Variants in PIKFYVE observed in about 807,000 individuals in gnomAD.
PIKFYVE encodes 1-phosphatidylinositol 3-phosphate 5-kinase.
PIKFYVE carries 122 observed loss-of-function variants against 257.9 expected under a neutral mutation model. That is an observed-to-expected ratio of 0.47 (90% confidence interval 0.41 to 0.55). PIKFYVE has a LOEUF of 0.55. Ranked by LOEUF, PIKFYVE falls within the 20% of genes least tolerant of loss-of-function variation. The pLI is 0.00. For synonymous variants in PIKFYVE, 892 were observed against 868.9 expected, an observed-to-expected ratio of 1.03 and a Z score of -0.47; for missense variants, 2,160 against 2,536.6, an observed-to-expected ratio of 0.85 and a Z score of 3.19.
chr2:208,308,623 T>C (rs1694618399), intron 12 of PIKFYVE, among the ~76,000 whole-genome samples: 1 of 151,998 alleles, frequency 6.6e-6, no homozygotes, highest in African/African-American at 2.4e-5. Context: ...ACCACCATTC[T>C]ACTTAGTATG....
intron 7 of PIKFYVE, among the ~76,000 whole-genome samples, chr2:208,296,958 G>T (rs1439885732): frequency 6.6e-6 from 1 of 152,148 alleles, no homozygotes; most frequent in South Asian, 2.1e-4. Context: ...AAATGCAGCC[G>T]AGGGATGTGG....
In PIKFYVE at chr2:208,352,766, G is replaced by A. The variant is rs771244880; in HGVS notation, c.5828G>A (p.Gly1943Glu). Residue 1943 changes from glycine to glutamate, a missense_variant, in exon 39 of 42, where the codon GGG (glycine) becomes GAG (glutamate). Transcript: ENST00000264380. ...CTTGTCATGGAAAATCTTTTCTACG[G>A]GAGAAAGATGGCACAGGTAAGGGTA... Reference protein sequence around the residue: ...DLLVMENLFYGRKMAQVFDLK... With the variant: ...DLLVMENLFYERKMAQVFDLK... 12 of 1,613,272 alleles carry A rather than the reference G, an allele frequency of 7.4e-6. No individual in the cohort carries two copies. In the East Asian group the frequency reaches 2.5e-4, roughly 33 times the overall value.
chr2:208,326,008 T>A lies in PIKFYVE; in HGVS notation c.3197T>A (p.Phe1066Tyr). The change falls in exon 20 of 42, where the codon TTT (phenylalanine) becomes TAT (tyrosine). Residue 1066 changes from phenylalanine to tyrosine, a missense_variant. Coordinates refer to ENST00000264380, the MANE Select transcript of PIKFYVE (RefSeq NM_015040.4). ...ISPVITFREP[F>Y]LLTEKGMRCS... is the part of the protein sequence containing the mutation. ...CCAGTAATCACATTCCGAGAACCCT[T>A]TCTTTTAACTGAAAAGGGGATGAGA... 6.2e-7 allele frequency: 1 copy of A among 1,614,196 alleles called. No homozygotes were observed. Among genetic ancestry groups the A allele is most frequent in the Non-Finnish European group, 8.5e-7 (1 of 1,180,022 alleles).
chr2:208,354,564 C>A lies in PIKFYVE; in HGVS notation c.6107-7C>A. On this transcript the variant is annotated splice_polypyrimidine_tract_variant and splice_region_variant and intron_variant, in intron 40 of 41. Transcript: ENST00000264380. ...TTATTGCTAATTTCACTCCTTCTAC[C>A]CCCCAGATTATATTCGAACATTTAC... The A allele has an allele frequency of 6.2e-7, 1 of 1,607,130 alleles. No homozygotes were observed. The highest frequency in any genetic ancestry group is 8.5e-7 in the Non-Finnish European group (1 of 1,173,820).
chr2:208,296,259 C>A (rs1184964796), intron 7 of PIKFYVE, among the ~76,000 whole-genome samples: 2 of 152,134 alleles, frequency 1.3e-5, no homozygotes, highest in African/African-American at 4.8e-5. Flanking sequence ...CCTGCCTCGG[C>A]CTCCCAAAGT....
chr2:208,335,308 A>T lies in PIKFYVE; in HGVS notation c.4145A>T (p.Tyr1382Phe). Residue 1382 changes from tyrosine (Y) to phenylalanine (F), a missense_variant and splice_region_variant, in exon 25 of 42, where the codon TAT (tyrosine) becomes TTT (phenylalanine). Around this residue, in one of 12 missense-constraint regions of PIKFYVE, gnomAD observed 699 missense variants for 855.8 expected, o/e 0.82. Coordinates refer to ENST00000264380, the MANE Select transcript of PIKFYVE (RefSeq NM_015040.4). ...TGGTCCTTGTATTTTCTTCTCAGTT[A>T]TTCTCCCATTCGGCTTCTTGAAGTA... is the stretch of plus-strand genomic sequence containing the variant. ...SYNQMVASFSYSPIRLLEVCV... is the reference protein window; with the variant it reads ...SYNQMVASFSFSPIRLLEVCV... 6.3e-7 allele frequency: 1 copy of T among 1,587,158 alleles called. No individual in the cohort carries two copies. The highest frequency in any genetic ancestry group is 8.7e-7 in the Non-Finnish European group (1 of 1,155,746).
At chr2:208,302,526 C>T (rs901308321) in intron 10 of PIKFYVE, 173 bp downstream of exon 10, 6 of 627,298 alleles carry the variant, frequency 9.6e-6, no homozygotes, top group Non-Finnish European at 1.7e-5. Flanking sequence ...GATGAAAAAG[C>T]TGCCATTAGA....
At chr2:208,277,419 C>T (rs1690254937) in intron 4 of PIKFYVE, 118 bp from the exon 5 acceptor site, 6 of 1,083,610 alleles carry the variant, frequency 5.5e-6, no homozygotes, top group Middle Eastern at 2.3e-4. Flanking sequence ...TTCGTATTCC[C>T]ATATGAATTT....
chr2:208,354,680 G>A (rs1375956184), intron 41 of PIKFYVE, 35 bp downstream of exon 41: 4 of 1,529,226 alleles, frequency 2.6e-6, no homozygotes, highest in Non-Finnish European at 3.6e-6. Flanking sequence ...TTGTTCACAT[G>A]TATTTCTTAT....
Position 208,353,893 on chromosome 2 carries a change from A to G in PIKFYVE, c.5845-5A>G, listed in dbSNP as rs1164831251. ...ATAAATGACAAAGCATTTTCTTTTT[A>G]CTAGGTTTTTGATTTGAAGGGCTCT... On this transcript the variant is annotated splice_region_variant and splice_polypyrimidine_tract_variant and intron_variant, in intron 39 of 41. Transcript: ENST00000264380. The G allele has an allele frequency of 3.7e-6, 6 of 1,613,530 alleles. No individual in the cohort carries two copies. The African/African-American group carries it at 8.0e-5, about 22-fold the overall frequency.
chr2:208,305,355 T>G, intron 12 of PIKFYVE: 2 of 1,147,940 alleles, frequency 1.7e-6, no homozygotes, highest in South Asian at 4.5e-5. Context: ...TCTTTTCTCT[T>G]TCTTCATTTA....
intron 5 of PIKFYVE, among the ~76,000 whole-genome samples, chr2:208,285,003 A>G (rs979941246): frequency 1.3e-5 from 2 of 151,698 alleles, no homozygotes; most frequent in Non-Finnish European, 2.9e-5. Flanking sequence ...CCCTTATTTC[A>G]CTTTTAAAAC....
chr2:208,335,903 TA>T lies in PIKFYVE; in HGVS notation c.4365+4del, dbSNP rs1574689896. On this transcript the variant is annotated splice_donor_region_variant and intron_variant, in intron 26 of 41. Coordinates refer to ENST00000264380, the MANE Select transcript of PIKFYVE (RefSeq NM_015040.4). The stretch of plus-strand genomic sequence containing the variant: ...GAAGATATTTTTGCACAGAAAGAGG[TA>T]ATTTATTTCTTTGGTAGAAAATTCA... 6.2e-7 allele frequency: 1 copy of T among 1,603,018 alleles called. No individual in the cohort carries two copies. Among genetic ancestry groups the T allele is most frequent in the African/African-American group, 1.3e-5 (1 of 74,656 alleles).
At chr2:208,305,299 C>T in intron 12 of PIKFYVE, 1 of 1,286,830 alleles carries the variant, frequency 7.8e-7, no homozygotes, top group South Asian at 1.7e-5. Flanking sequence ...GTGCAACTTC[C>T]AAGGTGGCAT....
At chr2:208,277,386 G>A (rs1383375312) in intron 4 of PIKFYVE, 151 bp from the exon 5 acceptor site, 7 of 782,246 alleles carry the variant, frequency 8.9e-6, no homozygotes, top group Non-Finnish European at 1.5e-5. Flanking sequence ...TCTTCTTCAA[G>A]ATTGTCTTGG....
chr2:208,324,466 A>G (rs961667459), intron 18 of PIKFYVE, among the ~76,000 whole-genome samples, 184 bp downstream of exon 18: 2 of 152,234 alleles, frequency 1.3e-5, no homozygotes, highest in African/African-American at 4.8e-5. Context: ...GGAAGAAAGT[A>G]TAATTGATTA....
chr2:208,301,754 T>G (rs534061168), intron 9 of PIKFYVE, among the ~76,000 whole-genome samples: 61 of 152,264 alleles, frequency 4.0e-4, no homozygotes, highest in African/African-American at 1.4e-3. Context: ...GAATAAACTG[T>G]GGGGGATGAA....
chr2:208,267,241 C>CG (rs1256126872), intron 1 of PIKFYVE, among the ~76,000 whole-genome samples: 1 of 242 alleles, frequency 4.1e-3, no homozygotes, highest in African/African-American at 0.016. Flanking sequence ...TTTATTTGAG[C>CG]CCCTTTTTTG....
At chr2:208,283,388 G>A (rs1299328455) in intron 5 of PIKFYVE, among the ~76,000 whole-genome samples, 1 of 152,092 alleles carries the variant, frequency 6.6e-6, no homozygotes, top group Non-Finnish European at 1.5e-5. Flanking sequence ...GCGCTTAATA[G>A]GCTCTTGCTG....
Sources: gnomAD v4.1 joint callset for allele counts (sites outside exome capture counted in the v4.1 genomes callset) on GRCh38, gnomAD v4.1.1 for gene constraint, gnomAD v4.1.1 regional missense constraint, MANE v1.5 for transcripts, NCBI Gene and HGNC (gene_info 2026-07-23, HGNC 2026-07-21) for gene names.